The following RORB variants were observed in gnomAD, a reference collection of about 807,000 sequenced individuals.
The protein encoded by RORB is RAR related orphan receptor B, also known as nuclear receptor ROR-beta.
Under a neutral mutation model 59.1 loss-of-function variants are expected in RORB, and 6 were observed. That is an observed-to-expected ratio of 0.10 (90% CI 0.06 to 0.20). The LOEUF is 0.20. Ranked by LOEUF, RORB falls within the 10% of genes least tolerant of loss-of-function variation. The probability of loss-of-function intolerance (pLI) is 1.00; values close to 1 mark genes in which losing one functional copy is unlikely to be tolerated. For synonymous variants in RORB, 215 were observed against 204.5 expected, an observed-to-expected ratio of 1.05 and a Z score of -0.44; for missense variants, 320 against 560.5, an observed-to-expected ratio of 0.57 and a Z score of 4.33.
At chr9:74,605,864 G>A (rs752896588) in intron 1 of RORB, among the ~76,000 whole-genome samples, 5 of 152,078 alleles carry the variant, frequency 3.3e-5, no homozygotes, top group African/African-American at 4.8e-5. Flanking sequence ...GCTGGAGAGC[G>A]TTTTCAGACA....
At chr9:74,622,269 G>A (rs75206074) in intron 1 of RORB, among the ~76,000 whole-genome samples, 10,110 of 152,156 alleles carry the variant, frequency 0.066, 467 homozygotes, top group East Asian at 0.087. Context: ...GAACTAAAGA[G>A]AGACGAGTTT....
Position 74,686,603 on chromosome 9 carries a change from T to C in RORB, c.*985T>C, listed in dbSNP as rs1824650823. On this transcript the variant is annotated 3_prime_UTR_variant, in exon 10 of 10. Coordinates refer to ENST00000376896, the MANE Select transcript of RORB (RefSeq NM_006914.4). ...TTTCAGTGCTTATTGTGTCTTCAAC[T>C]GAAAAATACAATCTGTGGATTATGA... The C allele has an allele frequency of 6.6e-6, 1 of 152,224 alleles. No individual in the cohort carries two copies. 9.4% of individuals were successfully genotyped at this position (152,224 alleles called of 1,614,324 possible).
intron 3 of RORB, among the ~76,000 whole-genome samples, chr9:74,639,083 G>A (rs936289596): frequency 1.3e-5 from 2 of 152,220 alleles, no homozygotes; most frequent in Non-Finnish European, 2.9e-5. Context: ...TGATGTCTGT[G>A]GTTAACAGCA....
intron 1 of RORB, among the ~76,000 whole-genome samples, chr9:74,541,943 G>C (rs1221981815): frequency 1.3e-5 from 2 of 152,136 alleles, no homozygotes; most frequent in Non-Finnish European, 2.9e-5. Context: ...CTACAAAGTT[G>C]TTCTCTTGTG....
chr9:74,611,834 G>A (rs1231617835), intron 1 of RORB, among the ~76,000 whole-genome samples: 4 of 152,104 alleles, frequency 2.6e-5, no homozygotes, highest in Non-Finnish European at 5.9e-5. Context: ...ATTTTTAGTA[G>A]AGACAATGTT....
At chr9:74,641,312 T>C (rs147029521) in intron 3 of RORB, among the ~76,000 whole-genome samples, 21 of 152,322 alleles carry the variant, frequency 1.4e-4, no homozygotes, top group South Asian at 1.2e-3. Context: ...CACACTGAAA[T>C]GAAAGCACCT....
chr9:74,501,580 T>C (rs889915013), intron 1 of RORB, among the ~76,000 whole-genome samples: 4 of 152,218 alleles, frequency 2.6e-5, no homozygotes, highest in Non-Finnish European at 1.5e-5. Flanking sequence ...GAAATGTAAT[T>C]ATTCAAACAG....
At chr9:74,683,763 A>C (rs1479730542) in intron 9 of RORB, among the ~76,000 whole-genome samples, 1 of 152,060 alleles carries the variant, frequency 6.6e-6, no homozygotes, top group African/African-American at 2.4e-5. Context: ...TCCTCCCGCT[A>C]TTCTTCTTTG....
At chr9:74,669,498 T>C (rs1008534475) in intron 8 of RORB, among the ~76,000 whole-genome samples, 31 of 145,864 alleles carry the variant, frequency 2.1e-4, no homozygotes, top group African/African-American at 7.3e-4. Context: ...AAAAAAAAAG[T>C]ATATGCCAAC....
intron 1 of RORB, among the ~76,000 whole-genome samples, chr9:74,624,466 T>C (rs188723684): frequency 2.6e-5 from 4 of 152,312 alleles, no homozygotes; most frequent in Admixed American, 1.3e-4. Flanking sequence ...CCTTCTAGCA[T>C]GGTATAGCGG....
At chr9:74,674,446 C>T (rs948404309) in intron 9 of RORB, among the ~76,000 whole-genome samples, 9 of 152,138 alleles carry the variant, frequency 5.9e-5, no homozygotes, top group African/African-American at 2.2e-4. Context: ...CTTTCTGTGT[C>T]GTGTGCAAAA....
At chr9:74,542,587 G>A (rs971251925) in intron 1 of RORB, among the ~76,000 whole-genome samples, 1 of 152,048 alleles carries the variant, frequency 6.6e-6, no homozygotes, top group Non-Finnish European at 1.5e-5. Context: ...GAAAATGAGA[G>A]GCAATATTTA....
At chr9:74,585,660 T>G (rs1242325690) in intron 1 of RORB, among the ~76,000 whole-genome samples, 1 of 152,148 alleles carries the variant, frequency 6.6e-6, no homozygotes, top group East Asian at 1.9e-4. Context: ...CTAGTCCCTT[T>G]TTTCTCCGCT....
At chr9:74,577,200 A>T (rs1822649296) in intron 1 of RORB, among the ~76,000 whole-genome samples, 1 of 152,034 alleles carries the variant, frequency 6.6e-6, no homozygotes, top group Non-Finnish European at 1.5e-5. Context: ...TATGTTCATC[A>T]GTTTCTTCTT....
chr9:74,573,969 G>A (rs17612218), intron 1 of RORB, among the ~76,000 whole-genome samples: 11,743 of 152,130 alleles, frequency 0.077, 583 homozygotes, highest in Non-Finnish European at 0.12. Flanking sequence ...AAGGCTAGAG[G>A]CACCCTCTCG....
intron 1 of RORB, among the ~76,000 whole-genome samples, chr9:74,500,770 G>A (rs1587328066): frequency 6.6e-6 from 1 of 152,158 alleles, no homozygotes; most frequent in Non-Finnish European, 1.5e-5. Context: ...GGAAAGAAAG[G>A]GGTTAAGAGT....
intron 1 of RORB, among the ~76,000 whole-genome samples, chr9:74,596,841 T>A (rs1028765507): frequency 2.6e-5 from 4 of 152,230 alleles, no homozygotes; most frequent in African/African-American, 9.6e-5. Context: ...AGTTCCTCAT[T>A]TGCACTAGCC....
intron 1 of RORB, among the ~76,000 whole-genome samples, chr9:74,570,142 A>C (rs1398473100): frequency 6.6e-6 from 1 of 152,078 alleles, no homozygotes; most frequent in Non-Finnish European, 1.5e-5. Flanking sequence ...ATTCCTTAGA[A>C]GTTTGTTATT....
intron 4 of RORB, among the ~76,000 whole-genome samples, chr9:74,649,312 T>A (rs3903529): frequency 0.23 from 34,281 of 151,918 alleles, 4,109 homozygotes; most frequent in Non-Finnish European, 0.27. Flanking sequence ...TTGGAGAGGG[T>A]CTTACTTGAC....
Sources: gnomAD v4.1 joint callset for allele counts (sites outside exome capture counted in the v4.1 genomes callset) on GRCh38, gnomAD v4.1.1 for gene constraint, MANE v1.5 for transcripts, NCBI Gene and HGNC (gene_info 2026-07-23, HGNC 2026-07-21) for gene names.